Variants in NT5C3A observed in about 807,000 individuals in gnomAD.
The protein encoded by NT5C3A is 5'-nucleotidase, cytosolic IIIA.
NT5C3A carries 23 observed loss-of-function variants against 40.0 expected under a neutral mutation model. The ratio of observed to expected loss-of-function variants is 0.58; its 90% CI spans 0.41 to 0.81. The LOEUF is 0.81. Among genes scored for constraint, NT5C3A ranks in the 40% least tolerant of loss-of-function variants. The probability of loss-of-function intolerance (pLI) is 0.00; values close to 1 mark genes in which losing one functional copy is unlikely to be tolerated. For missense variants in NT5C3A, 328 were observed against 403.0 expected, an observed-to-expected ratio of 0.81 and a Z score of 1.59; for synonymous variants, 130 against 141.4, an observed-to-expected ratio of 0.92 and a Z score of 0.57.
chr7:33,047,946 A>C (rs1310712754), intron 1 of NT5C3A, among the ~76,000 whole-genome samples: 1 of 152,050 alleles, frequency 6.6e-6, no homozygotes, highest in Non-Finnish European at 1.5e-5. Context: ...CAGCCTCTCA[A>C]GTAGCTGGAA....
At chr7:33,038,926 G>A (rs188348451) in intron 1 of NT5C3A, 5 of 455,786 alleles carry the variant, frequency 1.1e-5, no homozygotes, top group Admixed American at 7.1e-5. Flanking sequence ...CTTGATCTAC[G>A]AACTCTCTTC....
chr7:33,044,667 T>C (rs1787075985), intron 1 of NT5C3A, among the ~76,000 whole-genome samples: 1 of 152,206 alleles, frequency 6.6e-6, no homozygotes, highest in South Asian at 2.1e-4. Flanking sequence ...AAACTGGATG[T>C]CTTTATCAAT....
At position 33,062,741 on chromosome 7, in the gene NT5C3A, A is replaced by G; in HGVS notation, c.-36T>C. On this transcript the variant is annotated 5_prime_UTR_variant, in exon 1 of 9. Transcript: ENST00000610140. ...CTCATGCGCGTCCAAGCAGGAAAAA[A>G]ACAGGCAGCTCGCGTAGACTGCGAG... 3.2e-6 allele frequency: 5 copies of G among 1,550,306 alleles called. No individual in the cohort carries two copies. The highest frequency in any genetic ancestry group is 2.6e-6 in the Non-Finnish European group (3 of 1,147,148).
intron 1 of NT5C3A, among the ~76,000 whole-genome samples, chr7:33,052,975 C>T (rs1214930064): frequency 6.6e-6 from 1 of 152,110 alleles, no homozygotes; most frequent in Non-Finnish European, 1.5e-5. Flanking sequence ...TCCTGTATTT[C>T]AAAATAAGGT....
intron 1 of NT5C3A, chr7:33,029,691 C>A (rs752305835): frequency 3.9e-6 from 5 of 1,289,532 alleles, no homozygotes; most frequent in South Asian, 3.7e-5. Context: ...AAGACCACTT[C>A]GAAGAAGGCT....
Position 33,014,519 on chromosome 7 carries a change from A to G in NT5C3A, c.*211T>C. 1 of 658,942 alleles carries G rather than the reference A, an allele frequency of 1.5e-6. No homozygotes were observed. Among genetic ancestry groups the G allele is most frequent in the African/African-American group, 1.8e-5 (1 of 55,412 alleles). The allele number at this position is 658,942 out of a possible 1,614,324, so 40.8% of individuals were successfully genotyped here. A position where few individuals can be genotyped will look rare whatever the true frequency, so the allele number is the denominator to read the frequency against. On this transcript the variant is annotated 3_prime_UTR_variant, in exon 9 of 9. Transcript: ENST00000610140. The stretch of plus-strand genomic sequence containing the variant: ...AATTTTAGCTTTTTTTTTTTTTTAA[A>G]TGGGTTAAAAGATACGGTGAGGAGT...
At chr7:33,039,662 G>A (rs1267443930) in intron 1 of NT5C3A, among the ~76,000 whole-genome samples, 3 of 145,780 alleles carry the variant, frequency 2.1e-5, no homozygotes, top group East Asian at 4.1e-4. Context: ...ATTTGGTGGG[G>A]CATTTAAATA....
intron 1 of NT5C3A, chr7:33,029,390 T>A: frequency 3.0e-6 from 1 of 334,118 alleles, no homozygotes; most frequent in South Asian, 2.4e-5. Context: ...TAGGGACCAC[T>A]GCTGTTTTGG....
At chr7:33,049,331 A>ATTCT (rs1787272030) in intron 1 of NT5C3A, among the ~76,000 whole-genome samples, 1 of 152,146 alleles carries the variant, frequency 6.6e-6, no homozygotes, top group African/African-American at 2.4e-5. Context: ...GAAGCTTAGA[A>ATTCT]AAGTTTAGTA....
chr7:33,042,641 A>T (rs1168592631), intron 1 of NT5C3A, among the ~76,000 whole-genome samples: 1 of 152,240 alleles, frequency 6.6e-6, no homozygotes, highest in Admixed American at 6.5e-5. Flanking sequence ...TGATTCACAG[A>T]TCACTTTCAA....
intron 1 of NT5C3A, among the ~76,000 whole-genome samples, chr7:33,031,306 G>A (rs1404022945): frequency 7.2e-5 from 11 of 151,926 alleles, no homozygotes; most frequent in Admixed American, 5.9e-4. Context: ...AAGAAAACAC[G>A]GCCGGGCATG....
At chr7:33,044,252 T>C (rs1787049521) in intron 1 of NT5C3A, among the ~76,000 whole-genome samples, 2 of 152,092 alleles carry the variant, frequency 1.3e-5, no homozygotes, top group Admixed American at 6.6e-5. Flanking sequence ...GGGCAACACA[T>C]AACATGAGAG....
At chr7:33,035,878 A>G (rs1786569302) in intron 1 of NT5C3A, 1 of 1,377,890 alleles carries the variant, frequency 7.3e-7, no homozygotes, top group South Asian at 1.2e-5. Flanking sequence ...AGACAGAGGT[A>G]AAAGTGGTGA....
chr7:33,057,934 G>A (rs1424191157), intron 1 of NT5C3A, among the ~76,000 whole-genome samples: 1 of 152,124 alleles, frequency 6.6e-6, no homozygotes, highest in African/African-American at 2.4e-5. Flanking sequence ...TTCTAGTGTT[G>A]TGCTTGCATT....
In NT5C3A at chr7:33,035,842, T is replaced by C. The variant is rs1786567830; in HGVS notation, c.139-8927A>G. ...ACTGTGAAGAAAGAGTTGTATAAAA[T>C]TTCAGTCCCATAATTATCTGGTTAG... On this transcript the variant is annotated intron_variant, in intron 1 of 8. Transcript: ENST00000610140. 6.2e-6 allele frequency: 6 copies of C among 975,280 alleles called. No individual in the cohort carries two copies. In the Admixed American group the frequency reaches 1.0e-4, roughly 17 times the overall value. The allele number at this position is 975,280 out of a possible 1,614,324, so 60.4% of individuals were successfully genotyped here.
At chr7:33,049,913 T>G (rs940346367) in intron 1 of NT5C3A, among the ~76,000 whole-genome samples, 1 of 135,734 alleles carries the variant, frequency 7.4e-6, no homozygotes, top group African/African-American at 2.9e-5. Flanking sequence ...GAGCTTGCAG[T>G]GAGCCAAGAT....
chr7:33,025,645 T>C (rs1785886778), intron 2 of NT5C3A, among the ~76,000 whole-genome samples: 2 of 152,208 alleles, frequency 1.3e-5, no homozygotes, highest in South Asian at 4.1e-4. Context: ...AATATTATCC[T>C]TAAAATGGTT....
chr7:33,022,214 C>T (rs1235333059), intron 3 of NT5C3A, 115 bp from the exon 4 acceptor site: 1 of 668,596 alleles, frequency 1.5e-6, no homozygotes, highest in African/African-American at 1.8e-5. Flanking sequence ...TTGCACCAAC[C>T]CAATACTTTT....
chr7:33,039,883 G>A (rs1301322127), intron 1 of NT5C3A, among the ~76,000 whole-genome samples: 3 of 152,028 alleles, frequency 2.0e-5, no homozygotes, highest in Non-Finnish European at 4.4e-5. Context: ...TTTCCCAAAT[G>A]GTAAAGCAGC....
Sources: allele counts gnomAD v4.1 joint callset (sites outside exome capture counted in the v4.1 genomes callset), GRCh38; gene constraint gnomAD v4.1.1; transcripts MANE v1.5; gene names NCBI Gene and HGNC (gene_info 2026-07-23, HGNC 2026-07-21).